SSH2: variants seen among roughly 807,000 people sequenced by gnomAD.
The protein encoded by SSH2 is slingshot protein phosphatase 2.
A neutral mutation model predicts 135.2 loss-of-function variants in SSH2; 37 were observed. That is an observed-to-expected ratio of 0.27 (90% CI 0.21 to 0.36). SSH2 has a LOEUF of 0.36. SSH2 is among the 10% of genes least tolerant of loss of function. The pLI is 1.00. For synonymous variants in SSH2, 628 were observed against 646.2 expected (o/e 0.97, Z 0.43); for missense variants, 1,408 against 1,765.3 (o/e 0.80, Z 3.63).
intron 1 of SSH2, among the ~76,000 whole-genome samples, chr17:29,885,040 T>C (rs2066209039): frequency 6.6e-6 from 1 of 152,242 alleles, no homozygotes; most frequent in African/African-American, 2.4e-5. Flanking sequence ...ATGTAAAGCC[T>C]GAGTACGGGC....
At chr17:29,672,975 G>A (rs2037554983) in intron 8 of SSH2, among the ~76,000 whole-genome samples, 1 of 152,046 alleles carries the variant, frequency 6.6e-6, no homozygotes, top group Admixed American at 6.6e-5. Flanking sequence ...CAAAAATGCT[G>A]GGATTACAGG....
intron 3 of SSH2, among the ~76,000 whole-genome samples, chr17:29,782,185 A>C (rs2041855585): frequency 6.6e-6 from 1 of 152,144 alleles, no homozygotes; most frequent in Non-Finnish European, 1.5e-5. Context: ...TTTCTACTTG[A>C]ATAATGCCCC....
At chr17:29,847,183 A>G (rs1238124607) in intron 2 of SSH2, among the ~76,000 whole-genome samples, 1 of 152,194 alleles carries the variant, frequency 6.6e-6, no homozygotes, top group Non-Finnish European at 1.5e-5. Context: ...CCAGTCTCCT[A>G]TGGGTATAAC....
At chr17:29,633,070 A>C in intron 15 of SSH2, 139 bp from the exon 16 acceptor site, 1 of 726,986 alleles carries the variant, frequency 1.4e-6, no homozygotes, top group East Asian at 2.7e-5. Flanking sequence ...CTGGGACCAC[A>C]CTCTGCCCAT....
Position 29,761,421 on chromosome 17 carries a change from A to G in SSH2, c.188+32473T>C, listed in dbSNP as rs555538153. On this transcript the variant is annotated intron_variant, in intron 3 of 15. Coordinates refer to ENST00000540801, the MANE Select transcript of SSH2 (RefSeq NM_001282129.2). Reference sequence around the variant, plus strand: ...CGCCGAAGCCCCAGGGCTCGGCGGTAGAGTCCGGACTGACGGGCGTCGCCA... The same window carrying G: ...CGCCGAAGCCCCAGGGCTCGGCGGTGGAGTCCGGACTGACGGGCGTCGCCA... 4.1e-4 allele frequency: 431 copies of G among 1,046,628 alleles called. 3 individuals are homozygous for G. In the Middle Eastern group the frequency reaches 5.2e-3, roughly 13 times the overall value. 64.8% of individuals were successfully genotyped at this position (1,046,628 alleles called of 1,614,324 possible).
intron 8 of SSH2, among the ~76,000 whole-genome samples, chr17:29,675,464 T>G (rs189162901): frequency 6.6e-6 from 1 of 152,236 alleles, no homozygotes; most frequent in Non-Finnish European, 1.5e-5. Context: ...CATCATTCTC[T>G]GGTTGTATTA....
At chr17:29,679,047 G>A (rs991013081) in intron 6 of SSH2, among the ~76,000 whole-genome samples, 1 of 152,090 alleles carries the variant, frequency 6.6e-6, no homozygotes, top group Non-Finnish European at 1.5e-5. Flanking sequence ...CATTAGCCCA[G>A]GAAGGGCTTT....
intron 2 of SSH2, among the ~76,000 whole-genome samples, chr17:29,841,972 G>A (rs928966536): frequency 4.2e-5 from 6 of 144,084 alleles, no homozygotes; most frequent in African/African-American, 1.0e-4. Context: ...GAGCTTAAGC[G>A]ATCCTCCCGC....
rs1180485901 is a variant in SSH2 at position 29,920,811 on chromosome 17, C to G, written c.63+9127G>C. On this transcript the variant is annotated intron_variant, in intron 1 of 15. Coordinates refer to ENST00000540801, the MANE Select transcript of SSH2 (RefSeq NM_001282129.2). Reference sequence around the variant, plus strand: ...AAAAATAATTTTAAAAACCCACACACAAGACTGGATTGATGGCATTAAAAT... The same window carrying G: ...AAAAATAATTTTAAAAACCCACACAGAAGACTGGATTGATGGCATTAAAAT... Among the ~76,000 whole-genome samples the G allele has an allele frequency of 3.3e-5, 5 of 152,106 alleles. No homozygotes were observed. In the East Asian group the frequency reaches 9.6e-4, roughly 29 times the overall value.
At chr17:29,908,182 G>C (rs369044363) in intron 1 of SSH2, among the ~76,000 whole-genome samples, 1 of 152,036 alleles carries the variant, frequency 6.6e-6, no homozygotes, top group Non-Finnish European at 1.5e-5. Flanking sequence ...CCCAAGGCCA[G>C]GTAATCCATC....
intron 1 of SSH2, among the ~76,000 whole-genome samples, chr17:29,892,851 C>A (rs1046889896): frequency 6.6e-6 from 1 of 151,860 alleles, no homozygotes; most frequent in Non-Finnish European, 1.5e-5. Flanking sequence ...CTTCCCGTAC[C>A]CTTTTCTTTC....
intron 3 of SSH2, among the ~76,000 whole-genome samples, chr17:29,759,665 C>T (rs928906554): frequency 3.3e-5 from 5 of 152,136 alleles, no homozygotes; most frequent in African/African-American, 1.2e-4. Context: ...TAAATGAAAT[C>T]ATATAGTATT....
chr17:29,777,889 A>C (rs2151282833), intron 3 of SSH2: 1 of 151,950 alleles, frequency 6.6e-6, no homozygotes, highest in African/African-American at 2.4e-5. Context: ...TGCCATGAGT[A>C]AGGGGCCAGC....
At chr17:29,753,423 G>A (rs564173971) in intron 3 of SSH2, among the ~76,000 whole-genome samples, 2 of 151,930 alleles carry the variant, frequency 1.3e-5, no homozygotes, top group African/African-American at 4.8e-5. Flanking sequence ...GAGCCACTGC[G>A]CCCGGCTTAT....
rs563723977 is a variant in SSH2, at chr17:29,858,881, T to A, written c.64-9952A>T. On this transcript the variant is annotated intron_variant, in intron 1 of 15. Transcript: ENST00000540801. ...AGCAAGACCCTGTCTCAAAAAAAAATAAATAAATAAAATAGAAAAAGAGAA... is the reference window on the plus strand; with the variant it reads ...AGCAAGACCCTGTCTCAAAAAAAAAAAAATAAATAAAATAGAAAAAGAGAA... Among the ~76,000 whole-genome samples, 145 of 151,224 alleles carry A rather than the reference T, an allele frequency of 9.6e-4. 2 individuals carry two copies. The highest frequency in any genetic ancestry group is 3.4e-3 in the Middle Eastern group (1 of 294).
intron 3 of SSH2, among the ~76,000 whole-genome samples, chr17:29,762,704 A>G (rs2041351362): frequency 6.6e-6 from 1 of 152,210 alleles, no homozygotes; most frequent in Non-Finnish European, 1.5e-5. Context: ...TCTTTGTAAA[A>G]TATGACTGCG....
intron 1 of SSH2, among the ~76,000 whole-genome samples, chr17:29,919,560 T>C (rs2066938368): frequency 6.6e-6 from 1 of 152,226 alleles, no homozygotes; most frequent in South Asian, 2.1e-4. Flanking sequence ...GAAGGGAATG[T>C]ATGAGATCAC....
At chr17:29,664,373 C>CAA (rs61290148) in intron 11 of SSH2, among the ~76,000 whole-genome samples, 4 of 64,506 alleles carry the variant, frequency 6.2e-5, no homozygotes, top group South Asian at 4.5e-4. Context: ...ACTCCGTCTC[C>CAA]AAAAAAAAAA....
At chr17:29,744,703 C>G (rs1236167006) in intron 3 of SSH2, among the ~76,000 whole-genome samples, 1 of 152,160 alleles carries the variant, frequency 6.6e-6, no homozygotes, top group Non-Finnish European at 1.5e-5. Context: ...TAGCTATCAG[C>G]ACACCCTTCC....
Sources: gnomAD v4.1 joint callset for allele counts (sites outside exome capture counted in the v4.1 genomes callset) on GRCh38, gnomAD v4.1.1 for gene constraint, MANE v1.5 for transcripts, NCBI Gene and HGNC (gene_info 2026-07-23, HGNC 2026-07-21) for gene names.